Variants in MGAT4C observed in about 807,000 individuals in gnomAD.
MGAT4C encodes MGAT4 family member C.
MGAT4C carries 19 observed loss-of-function variants against 40.1 expected under a neutral mutation model. That is an observed-to-expected ratio of 0.47 (90% CI 0.33 to 0.70). The LOEUF (loss-of-function observed/expected upper bound fraction) is 0.70, where lower values mean the gene tolerates loss of function less well. MGAT4C is among the 30% of genes least tolerant of loss of function. The pLI, the probability that MGAT4C is intolerant of heterozygous loss-of-function variation, is 0.02. For missense variants in MGAT4C, 491 were observed against 563.2 expected (o/e 0.87, Z 1.30); for synonymous variants, 181 against 187.1 (o/e 0.97, Z 0.27).
intron 3 of MGAT4C, among the ~76,000 whole-genome samples, chr12:86,404,630 A>G (rs562902848): frequency 6.6e-6 from 1 of 152,294 alleles, no homozygotes. Context: ...GTACTGTGAT[A>G]GAAGGAATTT....
Position 86,724,207 on chromosome 12 carries a change from G to A in MGAT4C, c.-229+3002C>T, listed in dbSNP as rs925971747. Among the ~76,000 whole-genome samples, 3 of 152,088 alleles carry A rather than the reference G, an allele frequency of 2.0e-5. No homozygotes were observed. In the South Asian group the frequency reaches 6.2e-4, roughly 32 times the overall value. On this transcript the variant is annotated intron_variant, in intron 2 of 7. Transcript: ENST00000548651. The stretch of plus-strand genomic sequence containing the variant: ...TTAATTATGGTTCAAAATAGTTTAT[G>A]GCAAATGAGCACTCCAACACCCAAT...
intron 2 of MGAT4C, among the ~76,000 whole-genome samples, chr12:86,561,130 A>G (rs2136408729): frequency 6.6e-6 from 1 of 152,336 alleles, no homozygotes; most frequent in Non-Finnish European, 1.5e-5. Context: ...AACTGGAAGA[A>G]TATATATTGT....
chr12:86,677,480 C>A (rs1429118538), intron 2 of MGAT4C, among the ~76,000 whole-genome samples: 1 of 152,114 alleles, frequency 6.6e-6, no homozygotes, highest in Non-Finnish European at 1.5e-5. Flanking sequence ...GTTACATCTT[C>A]TTAATTTCAT....
At chr12:86,564,376 G>C (rs1188728933) in intron 2 of MGAT4C, among the ~76,000 whole-genome samples, 1 of 151,768 alleles carries the variant, frequency 6.6e-6, no homozygotes, top group African/African-American at 2.4e-5. Context: ...TACCTTCACT[G>C]TTGTACCTCA....
chr12:86,102,187 T>C (rs1389066218), intron 1 of MGAT4C, among the ~76,000 whole-genome samples: 2 of 151,946 alleles, frequency 1.3e-5, no homozygotes, highest in African/African-American at 4.8e-5. Context: ...AAATATAGGA[T>C]ATCAACAAAT....
At chr12:86,098,270 T>A (rs1874309817) in intron 1 of MGAT4C, among the ~76,000 whole-genome samples, 1 of 151,716 alleles carries the variant, frequency 6.6e-6, no homozygotes, top group Admixed American at 6.6e-5. Flanking sequence ...TACTGGAATA[T>A]GTATTTTCAA....
At chr12:86,727,032 T>A (rs1170694154) in intron 2 of MGAT4C, among the ~76,000 whole-genome samples, 1 of 152,136 alleles carries the variant, frequency 6.6e-6, no homozygotes, top group African/African-American at 2.4e-5. Flanking sequence ...TGTAATCACA[T>A]CTTCAAATGT....
chr12:86,096,416 TCCCC>T lies in MGAT4C; in HGVS notation c.-56-46697_-56-46694del, dbSNP rs571486044. On this transcript the variant is annotated intron_variant, in intron 1 of 4. Coordinates refer to ENST00000611864, the MANE Select transcript of MGAT4C (RefSeq NM_001351288.2). ...AATTAACTCCTCCCCTCCCCTCCCC[TCCCC>T]TTCCCTTCCTTTTTTTTCTTTCTTT... is the stretch of plus-strand genomic sequence containing the variant. Among the ~76,000 whole-genome samples, 733 of 141,550 alleles carry T rather than the reference TCCCC, an allele frequency of 5.2e-3. 8 individuals carry two copies. The highest frequency in any genetic ancestry group is 0.018 in the African/African-American group (701 of 39,816). 92.9% of individuals were successfully genotyped at this position (141,550 alleles called of 152,430 possible). A position where few individuals can be genotyped will look rare whatever the true frequency, so the allele number is the denominator to read the frequency against.
At chr12:86,179,253 C>G (rs1348350066) in intron 1 of MGAT4C, among the ~76,000 whole-genome samples, 1 of 152,160 alleles carries the variant, frequency 6.6e-6, no homozygotes, top group East Asian at 1.9e-4. Flanking sequence ...CTTTCGCCTC[C>G]CACTGTGATT....
chr12:86,365,056 A>C (rs1387782426), intron 3 of MGAT4C, among the ~76,000 whole-genome samples: 1 of 152,040 alleles, frequency 6.6e-6, no homozygotes, highest in Non-Finnish European at 1.5e-5. Context: ...ACTACGGGAG[A>C]CTGGGGCTTA....
At chr12:86,689,313 GTTATTACCCACC>G (rs899903303) in intron 2 of MGAT4C, among the ~76,000 whole-genome samples, 2 of 152,072 alleles carry the variant, frequency 1.3e-5, no homozygotes, top group Non-Finnish European at 2.9e-5. Context: ...GGAGGATTTT[GTTATTACCCACC>G]TTCTGAAGAC....
chr12:86,277,608 G>A (rs1375094577), intron 4 of MGAT4C, among the ~76,000 whole-genome samples: 1 of 152,060 alleles, frequency 6.6e-6, no homozygotes, highest in Non-Finnish European at 1.5e-5. Context: ...TCATTCTTCT[G>A]CATATGGATA....
chr12:86,827,285 C>T (rs1165195621), intron 1 of MGAT4C, among the ~76,000 whole-genome samples: 1 of 151,426 alleles, frequency 6.6e-6, no homozygotes, highest in Non-Finnish European at 1.5e-5. Flanking sequence ...AATCCTTTTG[C>T]TCCTGGTGCA....
chr12:86,493,429 A>T (rs1958176456), intron 2 of MGAT4C, among the ~76,000 whole-genome samples: 1 of 152,198 alleles, frequency 6.6e-6, no homozygotes, highest in Non-Finnish European at 1.5e-5. Context: ...TGGATTAAGA[A>T]AATGTGGCAC....
chr12:86,302,161 CA>C (rs1326528676), intron 4 of MGAT4C, among the ~76,000 whole-genome samples: 1 of 150,728 alleles, frequency 6.6e-6, no homozygotes, highest in Admixed American at 6.6e-5. Context: ...TGTAAGCACA[CA>C]AGAATTCAAA....
intron 1 of MGAT4C, among the ~76,000 whole-genome samples, chr12:86,772,518 G>A (rs942360782): frequency 1.3e-5 from 2 of 152,054 alleles, no homozygotes; most frequent in Non-Finnish European, 2.9e-5. Flanking sequence ...TCTCCTCCTT[G>A]GTTCTAAATG....
intron 1 of MGAT4C, among the ~76,000 whole-genome samples, chr12:86,835,028 T>C (rs1466317846): frequency 6.6e-6 from 1 of 151,958 alleles, no homozygotes; most frequent in East Asian, 1.9e-4. Context: ...TTTGTGTTAA[T>C]ATTTGGAAAC....
intron 3 of MGAT4C, among the ~76,000 whole-genome samples, chr12:86,383,477 G>A (rs1345521763): frequency 6.6e-6 from 1 of 150,442 alleles, no homozygotes; most frequent in Non-Finnish European, 1.5e-5. Context: ...GCTTGAACCT[G>A]GGGATGGAGG....
At chr12:86,755,215 C>T (rs1951282603) in intron 1 of MGAT4C, among the ~76,000 whole-genome samples, 1 of 152,160 alleles carries the variant, frequency 6.6e-6, no homozygotes, top group South Asian at 2.1e-4. Flanking sequence ...AATTTTGCCT[C>T]AAATCTATAA....
Sources: allele counts gnomAD v4.1 joint callset (sites outside exome capture counted in the v4.1 genomes callset), GRCh38; gene constraint gnomAD v4.1.1; transcripts MANE v1.5; gene names NCBI Gene and HGNC (gene_info 2026-07-23, HGNC 2026-07-21).